The following LHX6 variants were observed in gnomAD, a reference collection of about 807,000 sequenced individuals.
LHX6 encodes the protein LIM/homeobox protein Lhx6.
Under a neutral mutation model 47.1 loss-of-function variants are expected in LHX6, and 15 were observed. That is an observed-to-expected ratio of 0.32 (90% CI 0.21 to 0.49). The LOEUF (loss-of-function observed/expected upper bound fraction) is 0.49. Among genes scored for constraint, LHX6 ranks in the 20% least tolerant of loss-of-function variants. LHX6 has a pLI of 0.99. For synonymous variants in LHX6, 242 were observed against 233.5 expected, an observed-to-expected ratio of 1.04 and a Z score of -0.33; for missense variants, 404 against 539.6, an observed-to-expected ratio of 0.75 and a Z score of 2.49.
intron 4 of LHX6, among the ~76,000 whole-genome samples, chr9:122,223,119 C>G (rs1376911490): frequency 6.6e-6 from 1 of 152,204 alleles, no homozygotes; most frequent in Non-Finnish European, 1.5e-5. Context: ...TAGTCCTTGC[C>G]TGGCACTCGA....
chr9:122,213,566 C>G lies in LHX6; in HGVS notation c.1054+40G>C. On this transcript the variant is annotated intron_variant, in intron 8 of 9. Coordinates refer to ENST00000394319, the MANE Select transcript of LHX6 (RefSeq NM_014368.5). This position sits in a 1 kb window ranked among gnomAD's most constrained non-coding sequence, Gnocchi z 5.5. ...CCACGTGCGCTCCTCCGCGCCCCCT[C>G]CCCGCAGGCCCAGCGGCTCCCGGCG... 6.6e-7 allele frequency: 1 copy of G among 1,510,510 alleles called. No homozygotes were observed. Among genetic ancestry groups the G allele is most frequent in the African/African-American group, 1.4e-5 (1 of 72,394 alleles). 93.6% of individuals were successfully genotyped at this position (1,510,510 alleles called of 1,614,324 possible).
intron 2 of LHX6, 156 bp downstream of exon 2, chr9:122,227,253 C>A: frequency 1.1e-6 from 1 of 898,460 alleles, no homozygotes; most frequent in South Asian, 1.9e-5. Flanking sequence ...TTAAAGCCAA[C>A]ATTCCCTGCC....
In LHX6 at chr9:122,213,796, C is replaced by T. The variant is rs201909862; in HGVS notation, c.880-16G>A. On this transcript the variant is annotated splice_polypyrimidine_tract_variant and intron_variant, in intron 7 of 9. Coordinates refer to ENST00000394319, the MANE Select transcript of LHX6 (RefSeq NM_014368.5). This position sits in a 1 kb window ranked among gnomAD's most constrained non-coding sequence, Gnocchi z 5.5. ...GAAACCACACCTGGAACGACAGCCT[C>T]GGCAGCCTCAGCCTCGAGGAAAAGA... 2.5e-5 allele frequency: 39 copies of T among 1,569,026 alleles called. No homozygotes were observed. The East Asian group carries it at 8.9e-4, about 36-fold the overall frequency.
At chr9:122,224,762 G>T (rs772304494) in intron 4 of LHX6, among the ~76,000 whole-genome samples, 2 of 152,046 alleles carry the variant, frequency 1.3e-5, no homozygotes, top group Non-Finnish European at 2.9e-5. Flanking sequence ...ACCCACTCTT[G>T]ACACCCACAC....
rs1830524134 is a variant in LHX6 at position 122,214,487 on chromosome 9, G to A, written c.683-104C>T. 7.2e-7 allele frequency: 1 copy of A among 1,389,736 alleles called. No homozygotes were observed. Among genetic ancestry groups the A allele is most frequent in the African/African-American group, 1.5e-5 (1 of 65,620 alleles). The allele number at this position is 1,389,736 out of a possible 1,614,324, so 86.1% of individuals were successfully genotyped here. On this transcript the variant is annotated intron_variant, in intron 5 of 9. Coordinates refer to ENST00000394319, the MANE Select transcript of LHX6 (RefSeq NM_014368.5). The surrounding 1 kb of genome is among the most constrained non-coding windows in gnomAD (Gnocchi z 4.6). ...CTTGTCCCTGGAAGGGTCAGGAGCG[G>A]GAGTTGGCTGGGAGCAGGGATCCCA...
At chr9:122,205,500 T>C (rs1830144339) in intron 9 of LHX6, among the ~76,000 whole-genome samples, 1 of 152,192 alleles carries the variant, frequency 6.6e-6, no homozygotes, top group African/African-American at 2.4e-5. Flanking sequence ...ACACAGCCAG[T>C]TCCCTGAAGT....
In LHX6 at chr9:122,215,446, C is replaced by T. The variant is rs78644860; in HGVS notation, c.683-1063G>A. ...CTGAGGGCTGATCAGTAAGAGAGATCGGAGGCCCCAGCTTTCAAGTTCCTC... is the reference window on the plus strand; with the variant it reads ...CTGAGGGCTGATCAGTAAGAGAGATTGGAGGCCCCAGCTTTCAAGTTCCTC... On this transcript the variant is annotated intron_variant, in intron 5 of 9. Transcript: ENST00000394319. Among the ~76,000 whole-genome samples, 28 of 152,280 alleles carry T rather than the reference C, an allele frequency of 1.8e-4. 1 individual carries two copies. The East Asian group carries it at 5.2e-3, about 28-fold the overall frequency.
chr9:122,206,642 C>T (rs922653125), intron 9 of LHX6, among the ~76,000 whole-genome samples: 4 of 152,154 alleles, frequency 2.6e-5, no homozygotes, highest in Admixed American at 2.6e-4. Flanking sequence ...GGCTCATCCC[C>T]CAGGCTGAAT....
At chr9:122,209,817 A>T (rs1830332338) in intron 8 of LHX6, 100 bp from the exon 9 acceptor site, 1 of 615,400 alleles carries the variant, frequency 1.6e-6, no homozygotes, top group African/African-American at 1.8e-5. Context: ...AACCAGTTTC[A>T]TCTCTGCCAC....
intron 5 of LHX6, among the ~76,000 whole-genome samples, chr9:122,215,105 C>G (rs767199914): frequency 1.2e-4 from 18 of 152,176 alleles, no homozygotes; most frequent in Non-Finnish European, 2.6e-4. Context: ...TGAATATCCT[C>G]AAAATCTCAG....
chr9:122,214,190 GTC>G lies in LHX6; in HGVS notation c.783+91_783+92del. The G allele has an allele frequency of 7.4e-7, 1 of 1,358,184 alleles. No homozygotes were observed. The highest frequency in any genetic ancestry group is 9.8e-7 in the Non-Finnish European group (1 of 1,018,378). 84.1% of individuals were successfully genotyped at this position (1,358,184 alleles called of 1,614,324 possible). A position where few individuals can be genotyped will look rare whatever the true frequency, so the allele number is the denominator to read the frequency against. The stretch of plus-strand genomic sequence containing the variant: ...GCTGCGGCCCCGCCCCGCCACCCGG[GTC>G]CGGCCCGAGGGGCGGAGCCAGGAGA... On this transcript the variant is annotated intron_variant, in intron 6 of 9. Coordinates refer to ENST00000394319, the MANE Select transcript of LHX6 (RefSeq NM_014368.5). The surrounding 1 kb of genome is among the most constrained non-coding windows in gnomAD (Gnocchi z 4.6).
In LHX6 at chr9:122,227,026, T is replaced by C; in HGVS notation, c.161A>G (p.Gln54Arg). ...LEGTAPPAMA[Q>R]SDAEALAGAL... ...TCCTGCCAGGGCCTCGGCGTCAGAC[T>C]GAGCCTGCGGCGGGGGAGAGAAGGA... is the stretch of plus-strand genomic sequence containing the variant. The change falls in exon 3 of 10, where the codon CAG becomes CGG. Residue 54 changes from glutamine to arginine, a missense_variant. Physicochemically the swap from Gln to Arg is conservative, Grantham distance 43. Coordinates refer to ENST00000394319, the MANE Select transcript of LHX6 (RefSeq NM_014368.5). The C allele has an allele frequency of 6.7e-7, 1 of 1,489,406 alleles. No individual in the cohort carries two copies. The highest frequency in any genetic ancestry group is 9.0e-7 in the Non-Finnish European group (1 of 1,117,080). The allele number at this position is 1,489,406 out of a possible 1,614,324, so 92.3% of individuals were successfully genotyped here.
rs1404654721 is a variant in LHX6, at chr9:122,217,987, T to C, written c.462-699A>G. ...TGGCTAAGTACCCAGCAAGTCCCTC[T>C]GGAGCCTGTGACATTCTATTAATAA... On this transcript the variant is annotated intron_variant, in intron 4 of 9. Coordinates refer to ENST00000394319, the MANE Select transcript of LHX6 (RefSeq NM_014368.5). The surrounding 1 kb of genome is among the most constrained non-coding windows in gnomAD (Gnocchi z 4.9). Among the ~76,000 whole-genome samples the C allele has an allele frequency of 6.6e-6, 1 of 152,222 alleles. No homozygotes were observed. Among genetic ancestry groups the C allele is most frequent in the Non-Finnish European group, 1.5e-5 (1 of 68,038 alleles).
Position 122,209,627 on chromosome 9 carries a change from T to C in LHX6, c.1145A>G (p.Asn382Ser). ...LKADMDGPLS[N>S]RGEKVILFQY ...GGCTCCATTTACCTTCTCACCCCGG[T>C]TGGAGAGCGGCCCATCCATATCGGC... Residue 382 changes from asparagine to serine, a missense_variant, in exon 9 of 10, where the codon AAC becomes AGC. Physicochemically the swap from Asn to Ser is conservative, Grantham distance 46. Around this residue, in one of 7 missense-constraint regions of LHX6, gnomAD observed 127 missense variants for 116.1 expected, o/e 1.09. Transcript: ENST00000394319. 2 of 1,606,272 alleles carry C rather than the reference T, an allele frequency of 1.2e-6. No homozygotes were observed. The highest frequency in any genetic ancestry group is 1.7e-6 in the Non-Finnish European group (2 of 1,172,900).
chr9:122,226,515 A>G lies in LHX6; in HGVS notation c.340-18T>C, dbSNP rs1257558332. 2 of 1,611,120 alleles carry G rather than the reference A, an allele frequency of 1.2e-6. No homozygotes were observed. The highest frequency in any genetic ancestry group is 1.7e-6 in the Non-Finnish European group (2 of 1,179,380). On this transcript the variant is annotated intron_variant, in intron 3 of 9. Transcript: ENST00000394319. The surrounding 1 kb of genome is among the most constrained non-coding windows in gnomAD (Gnocchi z 6.5). ...TTGTTGACCTGGGGACGGGGCGGGGACGGAGGTCGGCTCAGCGCGGGCCTC... is the reference window on the plus strand; with the variant it reads ...TTGTTGACCTGGGGACGGGGCGGGGGCGGAGGTCGGCTCAGCGCGGGCCTC...
chr9:122,215,732 G>A (rs7468947), intron 5 of LHX6, among the ~76,000 whole-genome samples: 38,091 of 152,124 alleles, frequency 0.25, 5,013 homozygotes, highest in Admixed American at 0.3. Flanking sequence ...TGCCCCCTTA[G>A]ACCCACTTAG....
intron 1 of LHX6, 166 bp downstream of exon 1, chr9:122,228,491 C>A (rs1831203903): frequency 1.5e-6 from 2 of 1,333,770 alleles, no homozygotes; most frequent in Non-Finnish European, 1.9e-6. Context: ...CCGCGACCCC[C>A]CCCCCCCGCT....
chr9:122,210,373 C>CCATCT (rs1830356284), intron 8 of LHX6, among the ~76,000 whole-genome samples: 1 of 152,172 alleles, frequency 6.6e-6, no homozygotes. Context: ...AGGCTGTGCC[C>CCATCT]CATCTATTCA....
chr9:122,228,486 A>ACCC (rs398012140), intron 1 of LHX6, 171 bp downstream of exon 1: 78 of 1,170,858 alleles, frequency 6.7e-5, no homozygotes, highest in East Asian at 2.9e-4. Flanking sequence ...GCTTTCCGCG[A>ACCC]CCCCCCCCCC....
Sources: allele counts gnomAD v4.1 joint callset (sites outside exome capture counted in the v4.1 genomes callset), GRCh38; gene constraint gnomAD v4.1.1; regional missense constraint gnomAD v4.1.1; non-coding constraint Gnocchi (gnomAD v3.1); transcripts MANE v1.5; gene names NCBI Gene and HGNC (gene_info 2026-07-23, HGNC 2026-07-21).